Variants in CFAP97D2 observed in about 807,000 individuals in gnomAD.
CFAP97D2 encodes the protein uncharacterized protein CFAP97D2.
intron 1 of CFAP97D2, among the ~76,000 whole-genome samples, chr13:114,182,234 C>T (rs182564043): frequency 0.013 from 1,965 of 150,786 alleles, 67 homozygotes; most frequent in African/African-American, 0.045. Context: ...TGGATGTGCA[C>T]GTAGGCCAGA....
At position 114,185,555 on chromosome 13, in the gene CFAP97D2, G is replaced by A. The variant is rs911834724; in HGVS notation, c.90+6135G>A. On this transcript the variant is annotated intron_variant, in intron 1 of 4. Coordinates refer to ENST00000646158, the Ensembl canonical transcript of CFAP97D2. The surrounding 1 kb of genome is among the most constrained non-coding windows in gnomAD (Gnocchi z 5.2). ...GGCTGCGGACCCAGGCATGTGTGTG[G>A]TTCTGCACTCTCAGGAGCCCAGGAA... Among the ~76,000 whole-genome samples, 1 of 152,204 alleles carries A rather than the reference G, an allele frequency of 6.6e-6. No individual in the cohort carries two copies. Among genetic ancestry groups the A allele is most frequent in the Non-Finnish European group, 1.5e-5 (1 of 68,030 alleles).
intron 1 of CFAP97D2, among the ~76,000 whole-genome samples, chr13:114,191,124 C>G (rs2080867804): frequency 6.6e-6 from 1 of 151,940 alleles, no homozygotes; most frequent in Admixed American, 6.6e-5. Flanking sequence ...AAGTATAAAA[C>G]TCCTAGAAAA....
chr13:114,198,154 A>AT (rs2080895756), intron 2 of CFAP97D2, among the ~76,000 whole-genome samples: 1 of 151,840 alleles, frequency 6.6e-6, no homozygotes, highest in South Asian at 2.1e-4. Flanking sequence ...CGCCCGGCTA[A>AT]TTTTTTGTAT....
chr13:114,196,306 T>C (rs1240325373), intron 1 of CFAP97D2, 90 bp from the exon 2 acceptor site: 11 of 398,532 alleles, frequency 2.8e-5, no homozygotes, highest in Middle Eastern at 1.2e-3. Context: ...ATGGAATCCC[T>C]GGTGCCACGA....
intron 3 of CFAP97D2, among the ~76,000 whole-genome samples, chr13:114,209,408 T>A (rs1566615834): frequency 6.6e-6 from 1 of 152,144 alleles, no homozygotes; most frequent in Non-Finnish European, 1.5e-5. Flanking sequence ...ATAACAAAGG[T>A]GTCAGTTAAA....
intron 1 of CFAP97D2, among the ~76,000 whole-genome samples, chr13:114,188,776 CAAAA>C (rs35375202): frequency 1.5e-5 from 1 of 65,378 alleles, no homozygotes; most frequent in Admixed American, 1.6e-4. Context: ...GACTCAATCT[CAAAA>C]AAAAAAAAAA....
intron 4 of CFAP97D2, among the ~76,000 whole-genome samples, chr13:114,212,914 T>C (rs2080974619): frequency 6.6e-6 from 1 of 152,078 alleles, no homozygotes; most frequent in Non-Finnish European, 1.5e-5. Context: ...CATGTGATGA[T>C]CCTGAATTAG....
chr13:114,182,168 A>T lies in CFAP97D2; in HGVS notation c.90+2748A>T, dbSNP rs372855300. Among the ~76,000 whole-genome samples, 10 of 127,036 alleles carry T rather than the reference A, an allele frequency of 7.9e-5. 1 individual carries two copies. The highest frequency in any genetic ancestry group is 6.0e-4 in the Admixed American group (8 of 13,340). The allele number at this position is 127,036 out of a possible 152,430, so 83.3% of individuals were successfully genotyped here. On this transcript the variant is annotated intron_variant, in intron 1 of 4. Coordinates refer to ENST00000646158, the Ensembl canonical transcript of CFAP97D2. Reference sequence around the variant, plus strand: ...GTGATAATAAGGAGAAGGTCAGCAAAAAACGTGAGCAAAAGAGTCTATGTC... The same window carrying T: ...GTGATAATAAGGAGAAGGTCAGCAATAAACGTGAGCAAAAGAGTCTATGTC...
At chr13:114,188,643 G>C (rs975616271) in intron 1 of CFAP97D2, among the ~76,000 whole-genome samples, 7 of 151,730 alleles carry the variant, frequency 4.6e-5, no homozygotes, top group African/African-American at 1.5e-4. Flanking sequence ...CGGGTGTGGT[G>C]GTGGGCGCCT....
At chr13:114,181,076 G>A (rs917186046) in intron 1 of CFAP97D2, among the ~76,000 whole-genome samples, 4 of 152,244 alleles carry the variant, frequency 2.6e-5, no homozygotes, top group Non-Finnish European at 5.9e-5. Flanking sequence ...TGTGGCCCCC[G>A]AGTAGCAGCA....
intron 4 of CFAP97D2, among the ~76,000 whole-genome samples, chr13:114,221,841 A>G (rs1232860630): frequency 1.3e-5 from 2 of 152,206 alleles, no homozygotes; most frequent in Non-Finnish European, 2.9e-5. Context: ...CAAATCACCC[A>G]GCAACTCCAC....
At chr13:114,204,076 C>G (rs1162802994) in intron 3 of CFAP97D2, among the ~76,000 whole-genome samples, 2 of 152,062 alleles carry the variant, frequency 1.3e-5, no homozygotes, top group Non-Finnish European at 2.9e-5. Context: ...AATGAATTTA[C>G]CAAGACAGTT....
chr13:114,213,998 C>T (rs2080982777), intron 4 of CFAP97D2: 1 of 139,136 alleles, frequency 7.2e-6, no homozygotes, highest in African/African-American at 3.1e-5. Flanking sequence ...GCTCCAGGAC[C>T]ACAGACCCCA....
rs2081025605 is a variant in CFAP97D2 at position 114,222,379 on chromosome 13, T to C, written c.481-119T>C. The stretch of plus-strand genomic sequence containing the variant: ...TAAAGCTGTTATTTTAAAAATTGTA[T>C]GTTTAATTCTAAGTAAAGACTTGTC... On this transcript the variant is annotated intron_variant, in intron 4 of 4. Transcript: ENST00000646158. This position sits in a 1 kb window ranked among gnomAD's most constrained non-coding sequence, Gnocchi z 4.4. The C allele has an allele frequency of 1.3e-5, 5 of 396,544 alleles. No individual in the cohort carries two copies. Among genetic ancestry groups the C allele is most frequent in the South Asian group, 2.8e-4 (2 of 7,164 alleles). 24.6% of individuals were successfully genotyped at this position (396,544 alleles called of 1,614,324 possible).
chr13:114,209,093 A>G (rs190773260), intron 3 of CFAP97D2, among the ~76,000 whole-genome samples: 20 of 152,350 alleles, frequency 1.3e-4, no homozygotes, highest in African/African-American at 4.1e-4. Context: ...TCATGAAAAG[A>G]AAAGAGAAGA....
intron 4 of CFAP97D2, among the ~76,000 whole-genome samples, chr13:114,221,189 G>A (rs1044051400): frequency 6.6e-6 from 1 of 152,250 alleles, no homozygotes; most frequent in African/African-American, 2.4e-5. Context: ...GGAGGTTGCA[G>A]TGAGCCGACA....
chr13:114,211,694 G>A lies in CFAP97D2; in HGVS notation c.291-218G>A, dbSNP rs2080967074. Among the ~76,000 whole-genome samples the A allele has an allele frequency of 1.3e-5, 2 of 152,192 alleles. No homozygotes were observed. Among genetic ancestry groups the A allele is most frequent in the South Asian group, 2.1e-4 (1 of 4,834 alleles). On this transcript the variant is annotated intron_variant, in intron 3 of 4. Transcript: ENST00000646158. This position sits in a 1 kb window ranked among gnomAD's most constrained non-coding sequence, Gnocchi z 4.2. ...AAACGCCCCTCCCGCCGTGCAAAGC[G>A]AGCGCGCCGGGGCTGAGTGTGCCCT...
chr13:114,182,318 G>A (rs796226050), intron 1 of CFAP97D2, among the ~76,000 whole-genome samples: 37 of 142,464 alleles, frequency 2.6e-4, no homozygotes, highest in East Asian at 6.3e-4. Context: ...AACATGTCTC[G>A]CCTCCCGCCA....
chr13:114,194,216 A>G (rs1044153752), intron 1 of CFAP97D2, among the ~76,000 whole-genome samples: 2 of 152,242 alleles, frequency 1.3e-5, no homozygotes, highest in African/African-American at 4.8e-5. Context: ...AGGATCATTC[A>G]CTGCTGCTAA....
Sources: allele counts gnomAD v4.1 joint callset (sites outside exome capture counted in the v4.1 genomes callset), GRCh38; gene constraint gnomAD v4.1.1; non-coding constraint Gnocchi (gnomAD v3.1); transcripts MANE v1.5; gene names NCBI Gene and HGNC (gene_info 2026-07-23, HGNC 2026-07-21).